Variants in PARPBP observed in about 807,000 individuals in gnomAD.
PARPBP encodes PCNA-interacting partner.
In PARPBP, 52 loss-of-function variants were observed where a neutral mutation model predicts 50.0. The ratio of observed to expected loss-of-function variants is 1.04; its 90% CI spans 0.83 to 1.31. The LOEUF is 1.31. Among genes scored for constraint, PARPBP ranks in the 50% most tolerant of loss-of-function variants. The pLI, the probability that PARPBP is intolerant of heterozygous loss-of-function variation, is 0.00. For missense variants in PARPBP, 697 were observed against 672.0 expected, an observed-to-expected ratio of 1.04 and a Z score of -0.41; for synonymous variants, 244 against 232.1, an observed-to-expected ratio of 1.05 and a Z score of -0.47.
At position 102,196,750 on chromosome 12, in the gene PARPBP, A is replaced by G; in HGVS notation, c.*459A>G. 1.4e-6 allele frequency: 2 copies of G among 1,400,698 alleles called. No individual in the cohort carries two copies. The highest frequency in any genetic ancestry group is 2.0e-6 in the Non-Finnish European group (2 of 991,454). 86.8% of individuals were successfully genotyped at this position (1,400,698 alleles called of 1,614,324 possible). On this transcript the variant is annotated 3_prime_UTR_variant, in exon 11 of 11. Transcript: ENST00000327680. Reference sequence around the variant, plus strand: ...TTGTTTAAAGGACTATAATTATCACACAAAATTTATTAAGAAAAAAAGAAT... The same window carrying G: ...TTGTTTAAAGGACTATAATTATCACGCAAAATTTATTAAGAAAAAAAGAAT...
At chr12:102,126,217 A>G (rs969073107) in intron 2 of PARPBP, among the ~76,000 whole-genome samples, 1 of 152,030 alleles carries the variant, frequency 6.6e-6, no homozygotes, top group African/African-American at 2.4e-5. Context: ...TTTGTCTTTC[A>G]AAATTTGCGC....
At chr12:102,194,772 A>G (rs571052643) in intron 9 of PARPBP, among the ~76,000 whole-genome samples, 8 of 151,670 alleles carry the variant, frequency 5.3e-5, no homozygotes, top group African/African-American at 1.5e-4. Context: ...TGTCTTTCCT[A>G]TATCATTTTG....
chr12:102,179,986 A>G (rs1315925642), intron 8 of PARPBP, among the ~76,000 whole-genome samples: 2 of 152,108 alleles, frequency 1.3e-5, no homozygotes, highest in African/African-American at 4.8e-5. Flanking sequence ...ACTCTCTCCT[A>G]TGCCTCAGTA....
At chr12:102,195,617 A>G (rs1297710839) in intron 10 of PARPBP, among the ~76,000 whole-genome samples, 170 bp downstream of exon 10, 2 of 151,758 alleles carry the variant, frequency 1.3e-5, no homozygotes, top group African/African-American at 4.8e-5. Context: ...AAATTTATCG[A>G]TAGGAATAGG....
At chr12:102,194,101 G>A (rs1031367790) in intron 9 of PARPBP, among the ~76,000 whole-genome samples, 2 of 151,888 alleles carry the variant, frequency 1.3e-5, no homozygotes, top group African/African-American at 2.4e-5. Flanking sequence ...CTGGACAGAC[G>A]AATATTCTAA....
intron 9 of PARPBP, among the ~76,000 whole-genome samples, chr12:102,192,971 T>G (rs994308520): frequency 6.6e-6 from 1 of 151,646 alleles, no homozygotes; most frequent in African/African-American, 2.4e-5. Flanking sequence ...TTTCTTATAT[T>G]TTAATATATT....
At chr12:102,188,068 C>T (rs534785644) in intron 9 of PARPBP, among the ~76,000 whole-genome samples, 1 of 152,128 alleles carries the variant, frequency 6.6e-6, no homozygotes, top group East Asian at 1.9e-4. Context: ...ACAGAGAAAC[C>T]ACCAAAGTGT....
chr12:102,160,669 C>T (rs762651133), intron 4 of PARPBP, among the ~76,000 whole-genome samples: 1 of 152,196 alleles, frequency 6.6e-6, no homozygotes, highest in African/African-American at 2.4e-5. Context: ...TGAGCAGAGG[C>T]TGGGCATGGT....
intron 3 of PARPBP, among the ~76,000 whole-genome samples, chr12:102,151,214 C>T (rs545441648): frequency 2.6e-4 from 40 of 152,168 alleles, no homozygotes; most frequent in African/African-American, 9.2e-4. Flanking sequence ...AATAGCACCT[C>T]AACATAAAAC....
Position 102,178,578 on chromosome 12 carries a change from A to AT in PARPBP, c.1006-8dup. The AT allele has an allele frequency of 1.3e-6, 2 of 1,542,080 alleles. No homozygotes were observed. Among genetic ancestry groups the AT allele is most frequent in the Non-Finnish European group, 1.8e-6 (2 of 1,140,288 alleles). Reference sequence around the variant, plus strand: ...GTGATTATTACATTTACCTAAAATTATTTTTTGTCTCAGCCAAAATCTCAT... The same window carrying AT: ...GTGATTATTACATTTACCTAAAATTATTTTTTTGTCTCAGCCAAAATCTCAT... On this transcript the variant is annotated splice_polypyrimidine_tract_variant and intron_variant, in intron 7 of 10. Transcript: ENST00000327680.
intron 1 of PARPBP, among the ~76,000 whole-genome samples, chr12:102,122,105 T>A (rs777351545): frequency 1.3e-5 from 2 of 152,232 alleles, no homozygotes; most frequent in Non-Finnish European, 2.9e-5. Context: ...TGAGTCTTCA[T>A]TCATAGCAAT....
chr12:102,131,658 C>T (rs977132414), intron 2 of PARPBP, among the ~76,000 whole-genome samples: 10 of 152,010 alleles, frequency 6.6e-5, no homozygotes, highest in East Asian at 3.9e-4. Flanking sequence ...ACTCTACAGC[C>T]GTAAAAAAGA....
chr12:102,194,347 A>G (rs1891068384), intron 9 of PARPBP, among the ~76,000 whole-genome samples: 1 of 151,910 alleles, frequency 6.6e-6, no homozygotes, highest in African/African-American at 2.4e-5. Context: ...TGAATTATGT[A>G]TTTGAAACTT....
At chr12:102,176,559 A>G (rs1889303232) in intron 7 of PARPBP, among the ~76,000 whole-genome samples, 1 of 152,226 alleles carries the variant, frequency 6.6e-6, no homozygotes, top group Non-Finnish European at 1.5e-5. Context: ...TAAATAGAGT[A>G]GATTCTAACC....
chr12:102,152,706 G>A (rs1886368345), intron 3 of PARPBP, among the ~76,000 whole-genome samples: 2 of 151,516 alleles, frequency 1.3e-5, no homozygotes, highest in Non-Finnish European at 2.9e-5. Context: ...CTTTGTAATT[G>A]CATAACATTG....
chr12:102,185,727 C>T (rs188160047), intron 9 of PARPBP, among the ~76,000 whole-genome samples: 18 of 152,164 alleles, frequency 1.2e-4, no homozygotes, highest in East Asian at 9.7e-4. Flanking sequence ...GGCGTGATCT[C>T]GGCTCACTGT....
At chr12:102,158,200 A>G (rs953568528) in intron 4 of PARPBP, among the ~76,000 whole-genome samples, 3 of 151,908 alleles carry the variant, frequency 2.0e-5, no homozygotes, top group Non-Finnish European at 2.9e-5. Flanking sequence ...CCATTTCTCA[A>G]TAAAGCTTTA....
In PARPBP at chr12:102,165,836, T is replaced by C. The variant is rs1323803607; in HGVS notation, c.774T>C (p.Asn258=). The change falls in exon 6 of 11, where the codon AAT becomes AAC. Residue 258 remains asparagine, a synonymous_variant. Transcript: ENST00000327680. ...THVKGLSNFI[N]FIDKLDEILG... Reference sequence around the variant, plus strand: ...TAAAGGGATTGTCTAATTTTATTAATTTCATTGACAAATTAGATGAGATTC... The same window carrying C: ...TAAAGGGATTGTCTAATTTTATTAACTTCATTGACAAATTAGATGAGATTC... 1.9e-6 allele frequency: 3 copies of C among 1,584,022 alleles called. No homozygotes were observed. The highest frequency in any genetic ancestry group is 2.6e-6 in the Non-Finnish European group (3 of 1,153,620).
chr12:102,129,420 G>C (rs372471041), intron 2 of PARPBP, among the ~76,000 whole-genome samples: 1 of 152,092 alleles, frequency 6.6e-6, no homozygotes, highest in East Asian at 1.9e-4. Flanking sequence ...TCACTCTGCT[G>C]ATTGTTTCCT....
Sources: gnomAD v4.1 joint callset for allele counts (sites outside exome capture counted in the v4.1 genomes callset) on GRCh38, gnomAD v4.1.1 for gene constraint, MANE v1.5 for transcripts, NCBI Gene and HGNC (gene_info 2026-07-23, HGNC 2026-07-21) for gene names.